The following ZNF385D variants were observed in gnomAD, a reference collection of about 807,000 sequenced individuals.
The protein encoded by ZNF385D is zinc finger protein 385D.
ZNF385D carries 15 observed loss-of-function variants against 35.8 expected under a neutral mutation model. That is an observed-to-expected ratio of 0.42 (90% CI 0.28 to 0.64). ZNF385D has a LOEUF of 0.64. ZNF385D is among the 30% of genes least tolerant of loss of function. ZNF385D has a pLI of 0.23. For missense variants in ZNF385D, 474 were observed against 494.6 expected, an observed-to-expected ratio of 0.96 and a Z score of 0.39; for synonymous variants, 212 against 186.8, an observed-to-expected ratio of 1.13 and a Z score of -1.10.
At chr3:21,714,324 T>C (rs2068229829) in intron 1 of ZNF385D, among the ~76,000 whole-genome samples, 2 of 152,144 alleles carry the variant, frequency 1.3e-5, no homozygotes, top group Admixed American at 1.3e-4. Flanking sequence ...GTCTTTTATG[T>C]TTCAGTTTTC....
At chr3:21,768,255 GA>G (rs773622616) in intron 3 of ZNF385D, among the ~76,000 whole-genome samples, 21 of 152,028 alleles carry the variant, frequency 1.4e-4, no homozygotes, top group Non-Finnish European at 2.8e-4. Context: ...AAAATGTTAA[GA>G]AAAAGAGCAT....
At chr3:21,467,925 A>G (rs1010344634) in intron 4 of ZNF385D, among the ~76,000 whole-genome samples, 1 of 152,206 alleles carries the variant, frequency 6.6e-6, no homozygotes, top group Non-Finnish European at 1.5e-5. Flanking sequence ...AAAATATAAA[A>G]GAATGATAGT....
chr3:21,446,642 T>C (rs995409855), intron 4 of ZNF385D, among the ~76,000 whole-genome samples: 5 of 151,722 alleles, frequency 3.3e-5, no homozygotes, highest in Non-Finnish European at 5.9e-5. Flanking sequence ...TACAGGGGTG[T>C]GCCACCACAC....
chr3:21,449,704 A>C (rs922645270), intron 4 of ZNF385D, among the ~76,000 whole-genome samples: 2 of 152,226 alleles, frequency 1.3e-5, no homozygotes, highest in Non-Finnish European at 2.9e-5. Context: ...AATGGGTTTT[A>C]CAGCAAAAGT....
At chr3:22,025,922 A>G (rs561482724) in intron 3 of ZNF385D, among the ~76,000 whole-genome samples, 1 of 152,272 alleles carries the variant, frequency 6.6e-6, no homozygotes, top group East Asian at 1.9e-4. Context: ...TGTAAATACT[A>G]TATGAATAAT....
intron 3 of ZNF385D, among the ~76,000 whole-genome samples, chr3:22,016,408 C>T (rs1303918134): frequency 6.6e-6 from 1 of 152,094 alleles, no homozygotes; most frequent in Non-Finnish European, 1.5e-5. Context: ...CTTAGTATCC[C>T]ACGATGACAG....
intron 2 of ZNF385D, among the ~76,000 whole-genome samples, chr3:21,601,698 G>A (rs943633466): frequency 6.6e-6 from 1 of 152,134 alleles, no homozygotes. Flanking sequence ...ACCCAAAGAT[G>A]CCCTGCTCTG....
chr3:21,561,087 G>C (rs1036532939), intron 3 of ZNF385D, among the ~76,000 whole-genome samples: 1 of 152,088 alleles, frequency 6.6e-6, no homozygotes, highest in Admixed American at 6.5e-5. Flanking sequence ...TGGGCTCTGA[G>C]GGGGTGGGAC....
intron 2 of ZNF385D, among the ~76,000 whole-genome samples, chr3:21,628,596 G>A (rs2065198362): frequency 6.6e-6 from 1 of 152,096 alleles, no homozygotes; most frequent in Non-Finnish European, 1.5e-5. Flanking sequence ...AGACAAGTGA[G>A]TTTGTCAATT....
rs781195405 is a variant in ZNF385D, at chr3:21,414,726, T to C, written c.*6488A>G. On this transcript the variant is annotated 3_prime_UTR_variant, in exon 8 of 8. Transcript: ENST00000281523. ...AACAACTGTGTTCACTGTTCTGTGATGCTCGATCTTGTGCCCAGATCCCTT... is the reference window on the plus strand; with the variant it reads ...AACAACTGTGTTCACTGTTCTGTGACGCTCGATCTTGTGCCCAGATCCCTT... The C allele has an allele frequency of 1.1e-4, 16 of 152,160 alleles. No individual in the cohort carries two copies. The highest frequency in any genetic ancestry group is 2.0e-4 in the Admixed American group (3 of 15,268). The allele number at this position is 152,160 out of a possible 1,614,324, so 9.4% of individuals were successfully genotyped here.
At chr3:21,600,546 C>T (rs1467490028) in intron 2 of ZNF385D, among the ~76,000 whole-genome samples, 1 of 152,156 alleles carries the variant, frequency 6.6e-6, no homozygotes, top group Non-Finnish European at 1.5e-5. Flanking sequence ...CTCCATATTG[C>T]TGATTCTGCC....
chr3:22,245,762 G>C (rs1210295350), intron 2 of ZNF385D, among the ~76,000 whole-genome samples: 1 of 140,112 alleles, frequency 7.1e-6, no homozygotes, highest in South Asian at 2.6e-4. Context: ...GGTGGGGAGG[G>C]GGGGCTATGT....
intron 2 of ZNF385D, among the ~76,000 whole-genome samples, chr3:21,650,944 A>G (rs1009202190): frequency 2.0e-5 from 3 of 152,122 alleles, no homozygotes; most frequent in African/African-American, 7.2e-5. Context: ...TGCCAGAAAT[A>G]TGATTTTCAG....
intron 2 of ZNF385D, among the ~76,000 whole-genome samples, chr3:22,197,985 C>T (rs376387232): frequency 7.2e-5 from 11 of 152,134 alleles, no homozygotes; most frequent in South Asian, 2.1e-4. Flanking sequence ...AGTTAGAAGG[C>T]GATGTCCCCT....
At chr3:22,329,063 C>A (rs554544950) in intron 2 of ZNF385D, among the ~76,000 whole-genome samples, 2 of 120,076 alleles carry the variant, frequency 1.7e-5, no homozygotes, top group African/African-American at 3.3e-5. Flanking sequence ...GGCGACAGAG[C>A]GAGACTCCGT....
intron 2 of ZNF385D, among the ~76,000 whole-genome samples, chr3:22,348,925 C>A (rs929529372): frequency 2.0e-5 from 3 of 152,102 alleles, no homozygotes; most frequent in Admixed American, 6.6e-5. Context: ...ACAAAGCTAG[C>A]CATTAAATGG....
intron 2 of ZNF385D, among the ~76,000 whole-genome samples, chr3:22,323,214 G>C (rs961376731): frequency 6.6e-6 from 1 of 151,854 alleles, no homozygotes; most frequent in Non-Finnish European, 1.5e-5. Flanking sequence ...CCACACTCAG[G>C]GCCACAAGTT....
chr3:21,678,023 T>A (rs2066782024), intron 1 of ZNF385D, among the ~76,000 whole-genome samples: 1 of 152,096 alleles, frequency 6.6e-6, no homozygotes, highest in Admixed American at 6.6e-5. Flanking sequence ...ATATTTCCAG[T>A]TGGCCTCAGA....
chr3:22,317,202 G>A (rs1401706460), intron 2 of ZNF385D, among the ~76,000 whole-genome samples: 2 of 144,548 alleles, frequency 1.4e-5, no homozygotes, highest in Non-Finnish European at 3.0e-5. Flanking sequence ...ACTTGAACCT[G>A]GGAGGCAGAG....
Sources: allele counts gnomAD v4.1 joint callset (sites outside exome capture counted in the v4.1 genomes callset), GRCh38; gene constraint gnomAD v4.1.1; transcripts MANE v1.5; gene names NCBI Gene and HGNC (gene_info 2026-07-23, HGNC 2026-07-21).